The following AMOTL1 variants were observed in gnomAD, a reference collection of about 807,000 sequenced individuals.
AMOTL1 encodes the protein angiomotin like 1, also known as angiomotin-like protein 1.
AMOTL1 carries 45 observed loss-of-function variants against 102.9 expected under a neutral mutation model. The observed-to-expected ratio is 0.44, with a 90% confidence interval of 0.34 to 0.56. The LOEUF (loss-of-function observed/expected upper bound fraction) is 0.56. Ranked by LOEUF, AMOTL1 falls within the 20% of genes least tolerant of loss-of-function variation. AMOTL1 has a pLI of 0.01. For missense variants in AMOTL1, 1,114 were observed against 1,225.6 expected, an observed-to-expected ratio of 0.91 and a Z score of 1.36; for synonymous variants, 481 against 484.7, an observed-to-expected ratio of 0.99 and a Z score of 0.10.
In AMOTL1 at chr11:94,868,677, G is replaced by A. The variant is rs563228960; in HGVS notation, c.2489-521G>A. On this transcript the variant is annotated intron_variant, in intron 11 of 12. Coordinates refer to ENST00000433060, the MANE Select transcript of AMOTL1 (RefSeq NM_130847.3). The stretch of plus-strand genomic sequence containing the variant: ...GTGGAATTGTGAACTATTCAGAAGA[G>A]CAGCAAGCCAATGGGAACATGTCTA... Among the ~76,000 whole-genome samples the A allele has an allele frequency of 3.9e-5, 6 of 152,270 alleles. 1 individual carries two copies. The South Asian group carries it at 6.2e-4, about 16-fold the overall frequency.
chr11:94,708,852 A>T (rs79557862), intron 1 of AMOTL1, among the ~76,000 whole-genome samples: 1 of 152,172 alleles, frequency 6.6e-6, no homozygotes, highest in Non-Finnish European at 1.5e-5. Flanking sequence ...AGTACTACCA[A>T]TTGAGTACAG....
At chr11:94,769,481 G>T (rs979538801) in intron 1 of AMOTL1, among the ~76,000 whole-genome samples, 1 of 152,186 alleles carries the variant, frequency 6.6e-6, no homozygotes, top group African/African-American at 2.4e-5. Context: ...TCCCCCCTCA[G>T]AGCCCCAGGC....
At chr11:94,759,086 T>C (rs1389161406) in intron 3 of AMOTL1, among the ~76,000 whole-genome samples, 1 of 152,242 alleles carries the variant, frequency 6.6e-6, no homozygotes, top group Non-Finnish European at 1.5e-5. Context: ...TAAAATGTTT[T>C]CCTTAATGTT....
intron 3 of AMOTL1, among the ~76,000 whole-genome samples, chr11:94,751,230 T>TA (rs1190788615): frequency 1.1e-4 from 16 of 145,932 alleles, no homozygotes; most frequent in Admixed American, 5.3e-4. Flanking sequence ...TATATATATA[T>TA]TTTTTTTATT....
At chr11:94,715,751 T>C (rs1028147675) in intron 1 of AMOTL1, among the ~76,000 whole-genome samples, 2 of 152,160 alleles carry the variant, frequency 1.3e-5, no homozygotes, top group African/African-American at 4.8e-5. Flanking sequence ...CTGTAGGTAA[T>C]GCATCATTTC....
intron 4 of AMOTL1, among the ~76,000 whole-genome samples, chr11:94,828,883 C>A (rs1358753417): frequency 1.3e-5 from 2 of 152,114 alleles, no homozygotes; most frequent in Non-Finnish European, 2.9e-5. Flanking sequence ...TCAGCTTTGC[C>A]TTTGATTCTG....
At chr11:94,841,875 A>C (rs1320243809) in intron 6 of AMOTL1, among the ~76,000 whole-genome samples, 1 of 152,236 alleles carries the variant, frequency 6.6e-6, no homozygotes, top group East Asian at 1.9e-4. Flanking sequence ...AGATCAGAGA[A>C]AATTGTATTT....
At chr11:94,776,678 G>T (rs114102802) in intron 1 of AMOTL1, among the ~76,000 whole-genome samples, 50 of 152,360 alleles carry the variant, frequency 3.3e-4, no homozygotes, top group African/African-American at 1.2e-3. Flanking sequence ...TGTGAGGGCT[G>T]CTCTGGGTGG....
intron 1 of AMOTL1, among the ~76,000 whole-genome samples, chr11:94,784,441 C>T (rs1409422723): frequency 6.6e-6 from 1 of 152,048 alleles, no homozygotes; most frequent in South Asian, 2.1e-4. Flanking sequence ...ACTGAAATAG[C>T]CATATTCTCA....
chr11:94,766,820 A>G (rs1337840802), upstream of AMOTL1, among the ~76,000 whole-genome samples: 2 of 152,212 alleles, frequency 1.3e-5, no homozygotes, highest in African/African-American at 4.8e-5. Context: ...CCGGCAAGTG[A>G]AAGGTTTAGT....
intron 6 of AMOTL1, among the ~76,000 whole-genome samples, chr11:94,838,372 A>G (rs1056493356): frequency 3.3e-5 from 5 of 152,142 alleles, no homozygotes; most frequent in Non-Finnish European, 7.3e-5. Context: ...TCTACTATCA[A>G]CTCACTGTGT....
intron 11 of AMOTL1, among the ~76,000 whole-genome samples, chr11:94,867,031 C>T (rs1952898799): frequency 6.6e-6 from 1 of 152,130 alleles, no homozygotes; most frequent in South Asian, 2.1e-4. Flanking sequence ...GGGTCTGGCC[C>T]TTCTTTGATG....
At chr11:94,859,419 G>C (rs901760057) in intron 8 of AMOTL1, 106 bp from the exon 9 acceptor site, 2 of 1,123,992 alleles carry the variant, frequency 1.8e-6, no homozygotes, top group Non-Finnish European at 1.2e-6. Flanking sequence ...AGCATGGTGT[G>C]TGAATTGCTG....
chr11:94,719,102 C>A (rs1950136829), intron 1 of AMOTL1, among the ~76,000 whole-genome samples: 1 of 151,952 alleles, frequency 6.6e-6, no homozygotes, highest in Admixed American at 6.6e-5. Context: ...TATCTCAATA[C>A]TATTTATTGA....
chr11:94,866,362 A>G (rs1437791933), intron 11 of AMOTL1, 194 bp downstream of exon 11: 3 of 611,598 alleles, frequency 4.9e-6, no homozygotes, highest in African/African-American at 1.8e-5. Flanking sequence ...AGACTGCACC[A>G]CTGGAGTAGC....
At chr11:94,716,660 T>G (rs1223759640) in intron 1 of AMOTL1, among the ~76,000 whole-genome samples, 1 of 152,056 alleles carries the variant, frequency 6.6e-6, no homozygotes, top group Non-Finnish European at 1.5e-5. Flanking sequence ...GTTTGATGGG[T>G]ATGGAGGAAG....
intron 3 of AMOTL1, among the ~76,000 whole-genome samples, chr11:94,803,781 G>A (rs895433065): frequency 1.3e-4 from 20 of 152,174 alleles, no homozygotes; most frequent in African/African-American, 4.6e-4. Context: ...TAGTCAACAT[G>A]CATATTTGTT....
At chr11:94,778,007 A>G (rs1179564717) in intron 1 of AMOTL1, among the ~76,000 whole-genome samples, 1 of 152,232 alleles carries the variant, frequency 6.6e-6, no homozygotes. Flanking sequence ...ATATTCTATA[A>G]AAGGAATGTA....
chr11:94,735,235 T>C (rs1187205014), intron 2 of AMOTL1, among the ~76,000 whole-genome samples: 6 of 152,202 alleles, frequency 3.9e-5, no homozygotes, highest in Non-Finnish European at 7.3e-5. Context: ...CCCAGACTGC[T>C]ACAGGGCAGG....
Sources: allele counts gnomAD v4.1 joint callset (sites outside exome capture counted in the v4.1 genomes callset), GRCh38; gene constraint gnomAD v4.1.1; transcripts MANE v1.5; gene names NCBI Gene and HGNC (gene_info 2026-07-23, HGNC 2026-07-21).